RB1CC1: variants seen among roughly 807,000 people sequenced by gnomAD.
The protein encoded by RB1CC1 is RB1 inducible coiled-coil 1, also known as RB1-inducible coiled-coil protein 1.
A neutral mutation model predicts 177.5 loss-of-function variants in RB1CC1; 46 were observed. The ratio of observed to expected loss-of-function variants is 0.26; its 90% CI spans 0.20 to 0.33. The LOEUF is 0.33. Ranked by LOEUF, RB1CC1 falls within the 10% of genes least tolerant of loss-of-function variation. The probability of loss-of-function intolerance (pLI) is 1.00; values close to 1 mark genes in which losing one functional copy is unlikely to be tolerated. For synonymous variants in RB1CC1, 666 were observed against 613.6 expected (o/e 1.09, Z -1.26); for missense variants, 1,703 against 1,816.3 (o/e 0.94, Z 1.13).
rs1313488810 is a variant in RB1CC1, at chr8:52,658,991, T to G, written c.1690-15A>C. ...GGCTTTTGAGTCTGTACCAAAAAAATTAATTACTTAAAAAATTTTTTTTCA... is the reference window on the plus strand; with the variant it reads ...GGCTTTTGAGTCTGTACCAAAAAAAGTAATTACTTAAAAAATTTTTTTTCA... On this transcript the variant is annotated splice_polypyrimidine_tract_variant and intron_variant, in intron 12 of 23. Transcript: ENST00000025008. The G allele has an allele frequency of 2.1e-6, 3 of 1,436,236 alleles. No homozygotes were observed. The allele number at this position is 1,436,236 out of a possible 1,614,324, so 89.0% of individuals were successfully genotyped here. A position where few individuals can be genotyped will look rare whatever the true frequency, so the allele number is the denominator to read the frequency against.
chr8:52,691,964 T>C (rs1276625974), intron 1 of RB1CC1, among the ~76,000 whole-genome samples: 1 of 152,242 alleles, frequency 6.6e-6, no homozygotes, highest in Non-Finnish European at 1.5e-5. Flanking sequence ...ATACCACTCA[T>C]AATGCTAAGT....
intron 20 of RB1CC1, among the ~76,000 whole-genome samples, chr8:52,633,124 A>G (rs1848880953): frequency 6.6e-6 from 1 of 152,168 alleles, no homozygotes; most frequent in African/African-American, 2.4e-5. Context: ...ACTGGTTGAT[A>G]TCTCATGTTT....
intron 1 of RB1CC1, among the ~76,000 whole-genome samples, chr8:52,695,436 T>G (rs547306963): frequency 6.6e-6 from 1 of 152,216 alleles, no homozygotes; most frequent in African/African-American, 2.4e-5. Context: ...TCCTGACAGA[T>G]AGAACTGTGT....
chr8:52,712,112 TA>T (rs1446211022), intron 1 of RB1CC1, among the ~76,000 whole-genome samples: 1 of 152,082 alleles, frequency 6.6e-6, no homozygotes, highest in Non-Finnish European at 1.5e-5. Flanking sequence ...AAAAAGATAA[TA>T]AAAGAATCGT....
chr8:52,686,914 T>C lies in RB1CC1; in HGVS notation c.-113A>G. The C allele has an allele frequency of 2.2e-6, 1 of 456,670 alleles. No individual in the cohort carries two copies. The highest frequency in any genetic ancestry group is 4.4e-6 in the Non-Finnish European group (1 of 226,958). The allele number at this position is 456,670 out of a possible 1,614,324, so 28.3% of individuals were successfully genotyped here. On this transcript the variant is annotated 5_prime_UTR_variant, in exon 2 of 24. Transcript: ENST00000025008. Reference sequence around the variant, plus strand: ...AAAAGTAGATTAAAACTGGCTTATGTTTGCTTTGCTTGAGATTGGCAACTG... The same window carrying C: ...AAAAGTAGATTAAAACTGGCTTATGCTTGCTTTGCTTGAGATTGGCAACTG...
intron 8 of RB1CC1, among the ~76,000 whole-genome samples, chr8:52,662,080 T>C (rs1428284677): frequency 2.0e-5 from 3 of 151,976 alleles, no homozygotes; most frequent in Non-Finnish European, 4.4e-5. Flanking sequence ...TGAAAAACAA[T>C]AAGGGATTTA....
rs80161532 is a variant in RB1CC1, at chr8:52,639,373, A to C, written c.4337+2978T>G. ...ATATGCAAACTACTCCTCTTTGGATATATCTATGATCTACACTCTGATGTA... is the reference window on the plus strand; with the variant it reads ...ATATGCAAACTACTCCTCTTTGGATCTATCTATGATCTACACTCTGATGTA... On this transcript the variant is annotated intron_variant, in intron 18 of 23. Transcript: ENST00000025008. Among the ~76,000 whole-genome samples the C allele has an allele frequency of 7.9e-4, 120 of 152,042 alleles. 1 individual carries two copies. The highest frequency in any genetic ancestry group is 2.7e-3 in the African/African-American group (114 of 41,472).
intron 18 of RB1CC1, among the ~76,000 whole-genome samples, chr8:52,639,632 A>C (rs1347117181): frequency 6.6e-6 from 1 of 152,200 alleles, no homozygotes; most frequent in East Asian, 1.9e-4. Context: ...AGAAGTTCCC[A>C]TCTACTCCTA....
rs1282157257 is a variant in RB1CC1 at position 52,674,170 on chromosome 8, T to G, written c.677A>C (p.His226Pro). ...CLGRLDSLPE[H>P]EDSEKAEMKR... ...CATCTCAGCTTTTTCTGAGTCTTCA[T>G]GTTCAGGTAAAGAATCCAGTCTTCC... Residue 226 changes from histidine to proline, a missense_variant, in exon 7 of 24, where the codon CAT (histidine) becomes CCT (proline). Transcript: ENST00000025008. 1 of 1,613,580 alleles carries G rather than the reference T, an allele frequency of 6.2e-7. No individual in the cohort carries two copies. The highest frequency in any genetic ancestry group is 8.5e-7 in the Non-Finnish European group (1 of 1,179,442).
At chr8:52,679,457 T>G (rs1018892620) in intron 5 of RB1CC1, among the ~76,000 whole-genome samples, 1 of 152,208 alleles carries the variant, frequency 6.6e-6, no homozygotes, top group Non-Finnish European at 1.5e-5. Flanking sequence ...TGAGCCAGAC[T>G]AAATTATGTA....
At chr8:52,626,571 C>T (rs759562407) in intron 22 of RB1CC1, among the ~76,000 whole-genome samples, 5 of 151,922 alleles carry the variant, frequency 3.3e-5, no homozygotes, top group African/African-American at 4.8e-5. Context: ...TTTCTTTGTA[C>T]TATATTAATC....
Position 52,648,794 on chromosome 8 carries a change from T to C in RB1CC1, c.3822-2927A>G, listed in dbSNP as rs144650845. ...TGTAGATCTTTGCAATCTCAGCATT[T>C]GATTTTTTTTCTTACTAAATCAAGA... On this transcript the variant is annotated intron_variant, in intron 15 of 23. Coordinates refer to ENST00000025008, the MANE Select transcript of RB1CC1 (RefSeq NM_014781.5). Among the ~76,000 whole-genome samples the C allele has an allele frequency of 3.9e-5, 6 of 152,336 alleles. No homozygotes were observed. The East Asian group carries it at 1.2e-3, about 29-fold the overall frequency.
chr8:52,692,368 A>C (rs1438048513), intron 1 of RB1CC1, among the ~76,000 whole-genome samples: 1 of 152,184 alleles, frequency 6.6e-6, no homozygotes, highest in Non-Finnish European at 1.5e-5. Context: ...AACAAACATG[A>C]AGTTCCAAAA....
chr8:52,683,503 G>A (rs745926153), intron 5 of RB1CC1, 46 bp downstream of exon 5: 17 of 1,465,606 alleles, frequency 1.2e-5, no homozygotes, highest in South Asian at 7.5e-5. Flanking sequence ...ATTTAGATCC[G>A]AATGCTTTTA....
intron 15 of RB1CC1, among the ~76,000 whole-genome samples, chr8:52,649,724 A>G (rs1435839690): frequency 6.6e-6 from 1 of 152,200 alleles, no homozygotes; most frequent in African/African-American, 2.4e-5. Flanking sequence ...CCACATCACT[A>G]CTTCCTGGGA....
chr8:52,662,243 CAAT>C (rs1563400530), intron 8 of RB1CC1, among the ~76,000 whole-genome samples: 1 of 152,066 alleles, frequency 6.6e-6, no homozygotes, highest in Non-Finnish European at 1.5e-5. Flanking sequence ...ATTGCTAGGA[CAAT>C]GACTGAATTG....
chr8:52,708,386 G>T (rs1013685003), intron 1 of RB1CC1, among the ~76,000 whole-genome samples: 2 of 152,044 alleles, frequency 1.3e-5, no homozygotes, highest in African/African-American at 4.8e-5. Context: ...GCATGGTGGC[G>T]GATGCCTGTA....
chr8:52,654,789 T>C (rs1244566107), intron 15 of RB1CC1, among the ~76,000 whole-genome samples: 1 of 152,180 alleles, frequency 6.6e-6, no homozygotes, highest in Non-Finnish European at 1.5e-5. Context: ...TGGTATTTTA[T>C]TGCCCTGGCC....
chr8:52,689,717 G>A (rs748312626), intron 1 of RB1CC1, among the ~76,000 whole-genome samples: 3 of 151,828 alleles, frequency 2.0e-5, no homozygotes, highest in African/African-American at 4.8e-5. Context: ...TAAACAAATC[G>A]AGCTGCTAAA....
Sources: allele counts gnomAD v4.1 joint callset (sites outside exome capture counted in the v4.1 genomes callset), GRCh38; gene constraint gnomAD v4.1.1; transcripts MANE v1.5; gene names NCBI Gene and HGNC (gene_info 2026-07-23, HGNC 2026-07-21).